LMAN2: variants seen among roughly 807,000 people sequenced by gnomAD.
The protein encoded by LMAN2 is lectin, mannose binding 2.
LMAN2 carries 22 observed loss-of-function variants against 39.3 expected under a neutral mutation model. The observed-to-expected ratio is 0.56, with a 90% CI of 0.40 to 0.80. The LOEUF (loss-of-function observed/expected upper bound fraction) is 0.80, where lower values mean the gene tolerates loss of function less well. LMAN2 is among the 30% of genes least tolerant of loss of function. LMAN2 has a pLI of 0.00. For missense variants in LMAN2, 494 were observed against 505.4 expected, an observed-to-expected ratio of 0.98 and a Z score of 0.22; for synonymous variants, 207 against 207.8, an observed-to-expected ratio of 1.00 and a Z score of 0.03.
intron 2 of LMAN2, among the ~76,000 whole-genome samples, chr5:177,341,587 T>C (rs2127317166): frequency 6.6e-6 from 1 of 152,262 alleles, no homozygotes; most frequent in South Asian, 2.1e-4. Flanking sequence ...ATAAAGATAT[T>C]TTGAGACAAA....
chr5:177,336,438 G>C (rs1443345867), intron 6 of LMAN2, among the ~76,000 whole-genome samples: 1 of 152,204 alleles, frequency 6.6e-6, no homozygotes, highest in Non-Finnish European at 1.5e-5. Flanking sequence ...CGGCTGCTGT[G>C]CTCACGAGAG....
intron 3 of LMAN2, among the ~76,000 whole-genome samples, chr5:177,338,042 G>A (rs1218181947): frequency 6.6e-6 from 1 of 151,984 alleles, no homozygotes; most frequent in African/African-American, 2.4e-5. Flanking sequence ...GTGTCAAGGG[G>A]GTACCTGGCC....
At chr5:177,340,224 CAAAA>C (rs1474170952) in intron 2 of LMAN2, among the ~76,000 whole-genome samples, 1 of 152,156 alleles carries the variant, frequency 6.6e-6, no homozygotes, top group South Asian at 2.1e-4. Flanking sequence ...GCAACAACAA[CAAAA>C]AAGTTTTTTT....
chr5:177,336,971 C>T, intron 6 of LMAN2, 165 bp downstream of exon 6: 1 of 617,372 alleles, frequency 1.6e-6, no homozygotes, highest in South Asian at 1.9e-5. Context: ...CCAGAAACCA[C>T]AGGAACTGAG....
chr5:177,337,584 C>T lies in LMAN2; in HGVS notation c.514-60G>A, dbSNP rs148795265. 1.1e-5 allele frequency: 17 copies of T among 1,607,292 alleles called. No homozygotes were observed. Among genetic ancestry groups the T allele is most frequent in the Non-Finnish European group, 1.3e-5 (15 of 1,175,346 alleles). ...CCAGCCTGTGGGGCGAGCAGGGGCA[C>T]CCACCACCCCAATCCCTGGAGGCTC... is the stretch of plus-strand genomic sequence containing the variant. On this transcript the variant is annotated intron_variant, in intron 4 of 7. Coordinates refer to ENST00000303127, the MANE Select transcript of LMAN2 (RefSeq NM_006816.3). The surrounding 1 kb of genome is among the most constrained non-coding windows in gnomAD (Gnocchi z 8.2).
In LMAN2 at chr5:177,337,875, G is replaced by A; in HGVS notation, c.434-90C>T. Reference sequence around the variant, plus strand: ...GGCAAGCAATGCCAACATGGGTGGGGGCAAGAGAGCCCAACCCACTGGCCA... The same window carrying A: ...GGCAAGCAATGCCAACATGGGTGGGAGCAAGAGAGCCCAACCCACTGGCCA... On this transcript the variant is annotated intron_variant, in intron 3 of 7. Coordinates refer to ENST00000303127, the MANE Select transcript of LMAN2 (RefSeq NM_006816.3). The surrounding 1 kb of genome is among the most constrained non-coding windows in gnomAD (Gnocchi z 8.2). 1 of 1,160,932 alleles carries A rather than the reference G, an allele frequency of 8.6e-7. No individual in the cohort carries two copies. Among genetic ancestry groups the A allele is most frequent in the South Asian group, 1.3e-5 (1 of 76,998 alleles). The allele number at this position is 1,160,932 out of a possible 1,614,324, so 71.9% of individuals were successfully genotyped here.
intron 6 of LMAN2, among the ~76,000 whole-genome samples, chr5:177,336,447 A>G (rs1339753722): frequency 6.6e-6 from 1 of 152,078 alleles, no homozygotes; most frequent in Non-Finnish European, 1.5e-5. Flanking sequence ...TGCTCACGAG[A>G]GACTGTTGGG....
In LMAN2 at chr5:177,332,214, T is replaced by C; in HGVS notation, c.943A>G (p.Ser315Gly). The C allele has an allele frequency of 6.2e-7, 1 of 1,613,180 alleles. No homozygotes were observed. The highest frequency in any genetic ancestry group is 8.5e-7 in the Non-Finnish European group (1 of 1,179,844). ...NVDDPTGNFR[S>G]GPLTGWRVFL... ...ACCCGCCACCCCGTCAGGGGCCCGCTGCGGAAGTTCCCCGTGGGGTCGTCC... is the reference window on the plus strand; with the variant it reads ...ACCCGCCACCCCGTCAGGGGCCCGCCGCGGAAGTTCCCCGTGGGGTCGTCC... Residue 315 changes from serine to glycine, a missense_variant, in exon 8 of 8, where the codon AGC becomes GGC. Ser to Gly is a moderately conservative substitution (Grantham distance 56). Transcript: ENST00000303127. This position sits in a 1 kb window ranked among gnomAD's most constrained non-coding sequence, Gnocchi z 6.3.
chr5:177,343,267 A>C (rs1175326247), intron 2 of LMAN2, among the ~76,000 whole-genome samples: 1 of 152,186 alleles, frequency 6.6e-6, no homozygotes, highest in Non-Finnish European at 1.5e-5. Flanking sequence ...AAATAAATAA[A>C]TAATAACAAA....
rs1343491084 is a variant in LMAN2, at chr5:177,332,051, C to T, written c.*35G>A. 1.9e-6 allele frequency: 3 copies of T among 1,558,490 alleles called. No individual in the cohort carries two copies. The South Asian group carries it at 3.5e-5, about 18-fold the overall frequency. ...TAAAAAAAAAAGTTCACATTGGCTC[C>T]TGGGCCCAGGGACAGGCCCCGCCGG... On this transcript the variant is annotated 3_prime_UTR_variant, in exon 8 of 8. Transcript: ENST00000303127. The surrounding 1 kb of genome is among the most constrained non-coding windows in gnomAD (Gnocchi z 6.3).
At chr5:177,345,362 A>T (rs1015296311) in intron 2 of LMAN2, among the ~76,000 whole-genome samples, 1 of 148,734 alleles carries the variant, frequency 6.7e-6, no homozygotes. Flanking sequence ...AAAAAAAAAA[A>T]GCCACTCTTT....
intron 7 of LMAN2, 43 bp downstream of exon 7, chr5:177,334,241 C>G (rs751041430): frequency 2.5e-6 from 4 of 1,578,386 alleles, no homozygotes; most frequent in East Asian, 4.5e-5. Context: ...CATTCTGGGT[C>G]AGGCCGCCCA....
In LMAN2 at chr5:177,332,341, C is replaced by A. The variant is rs996881120; in HGVS notation, c.911-95G>T. The A allele has an allele frequency of 1.7e-6, 2 of 1,198,414 alleles. No homozygotes were observed. Among genetic ancestry groups the A allele is most frequent in the Non-Finnish European group, 1.2e-6 (1 of 847,654 alleles). 74.2% of individuals were successfully genotyped at this position (1,198,414 alleles called of 1,614,324 possible). On this transcript the variant is annotated intron_variant, in intron 7 of 7. Coordinates refer to ENST00000303127, the MANE Select transcript of LMAN2 (RefSeq NM_006816.3). This position sits in a 1 kb window ranked among gnomAD's most constrained non-coding sequence, Gnocchi z 6.3. ...GTGGGGATGGAACAGGACAGCCGGC[C>A]ACGGTGGGCAGGCCGGTCGTACTCA...
intron 2 of LMAN2, chr5:177,346,552 C>T (rs910255957): frequency 6.0e-6 from 1 of 167,842 alleles, no homozygotes; most frequent in African/African-American, 2.4e-5. Context: ...TTCCATTTAC[C>T]TACAGATATA....
chr5:177,340,947 G>T (rs1186957135), intron 2 of LMAN2, among the ~76,000 whole-genome samples: 1 of 151,788 alleles, frequency 6.6e-6, no homozygotes, highest in Admixed American at 6.6e-5. Context: ...AGTAGAGACA[G>T]GGTTTCACCG....
Position 177,351,637 on chromosome 5 carries a change from T to A in LMAN2, c.11A>T (p.Glu4Val), listed in dbSNP as rs1761729546. The A allele has an allele frequency of 6.3e-7, 1 of 1,591,292 alleles. No individual in the cohort carries two copies. The highest frequency in any genetic ancestry group is 8.5e-7 in the Non-Finnish European group (1 of 1,171,224). The change falls in exon 1 of 8, where the codon GAA becomes GTA. Residue 4 changes from glutamate (E) to valine (V), a missense_variant. Coordinates refer to ENST00000303127, the MANE Select transcript of LMAN2 (RefSeq NM_006816.3). Reference protein sequence around the residue: MAAEGWIWRWGWGR... With the variant: MAAVGWIWRWGWGR... Reference sequence around the variant, plus strand: ...CCAGCCCCAACGCCAAATCCAGCCTTCCGCCGCCATTCTCCTCTCCTCTCG... The same window carrying A: ...CCAGCCCCAACGCCAAATCCAGCCTACCGCCGCCATTCTCCTCTCCTCTCG...
At chr5:177,344,283 T>C (rs1343857799) in intron 2 of LMAN2, among the ~76,000 whole-genome samples, 17 of 25,192 alleles carry the variant, frequency 6.7e-4, no homozygotes, top group African/African-American at 3.8e-3. Flanking sequence ...CTTTGTTACT[T>C]TTTTTTTTTT....
intron 2 of LMAN2, among the ~76,000 whole-genome samples, chr5:177,345,333 C>T (rs1399641058): frequency 1.7e-5 from 2 of 114,624 alleles, no homozygotes; most frequent in African/African-American, 3.7e-5. Flanking sequence ...AGATTAAGAC[C>T]CTGTCTAAAA....
At chr5:177,336,840 G>A (rs1254054734) in intron 6 of LMAN2, 12 of 490,188 alleles carry the variant, frequency 2.4e-5, no homozygotes, top group Admixed American at 6.8e-5. Flanking sequence ...GCCCGGACAG[G>A]CCATTTACAG....
Sources: allele counts gnomAD v4.1 joint callset (sites outside exome capture counted in the v4.1 genomes callset), GRCh38; gene constraint gnomAD v4.1.1; non-coding constraint Gnocchi (gnomAD v3.1); transcripts MANE v1.5; gene names NCBI Gene and HGNC (gene_info 2026-07-23, HGNC 2026-07-21).